LRRC37B: variants seen among roughly 807,000 people sequenced by gnomAD.
The protein encoded by LRRC37B is leucine-rich repeat-containing protein 37B.
In LRRC37B, 28 loss-of-function variants were observed where a neutral mutation model predicts 98.3. The observed-to-expected ratio is 0.28, with a 90% CI of 0.21 to 0.39. The LOEUF is 0.39. LRRC37B is among the 10% of genes least tolerant of loss of function. The pLI is 1.00. For synonymous variants in LRRC37B, 364 were observed against 442.7 expected, an observed-to-expected ratio of 0.82 and a Z score of 2.23; for missense variants, 938 against 1,182.7, an observed-to-expected ratio of 0.79 and a Z score of 3.03.
At chr17:32,011,750 G>A (rs1182078787) in intron 1 of LRRC37B, among the ~76,000 whole-genome samples, 1 of 152,182 alleles carries the variant, frequency 6.6e-6, no homozygotes, top group Non-Finnish European at 1.5e-5. Flanking sequence ...ACCTGCCTCG[G>A]CCTCCCAAAG....
At chr17:32,022,496 G>A (rs1292558980) in exon 1 of LRRC37B, 10 of 1,613,202 alleles carry the variant, frequency 6.2e-6, no homozygotes, top group East Asian at 2.2e-5. Context: ...CAGACCCGGG[G>A]CTTGCCATAA....
chr17:32,024,886 T>A, intron 2 of LRRC37B, 104 bp downstream of exon 5: 2 of 1,460,430 alleles, frequency 1.4e-6, no homozygotes, highest in Non-Finnish European at 1.9e-6. Context: ...ATATTTCCCC[T>A]CCATACCCCA....
At chr17:32,040,351 G>A in intron 7 of LRRC37B, 2 of 385,164 alleles carry the variant, frequency 5.2e-6, no homozygotes, top group South Asian at 2.3e-5. Context: ...CACGTGGTGG[G>A]GCCCCTGAGG....
chr17:32,031,347 T>C lies in LRRC37B; in HGVS notation c.1977-31T>C, dbSNP rs192376232. 3.1e-3 allele frequency: 4,908 copies of C among 1,599,530 alleles called. 81 individuals are homozygous for C. In the African/African-American group the frequency reaches 0.044, roughly 14 times the overall value. ...ATGATAAATGTTCTGAAATAATTTT[T>C]TTTTCCTTTGGCTTATGTCTTTTTT... On this transcript the variant is annotated intron_variant, in intron 4 of 11. Transcript: ENST00000327564.
intron 1 of LRRC37B, among the ~76,000 whole-genome samples, chr17:32,011,216 C>T (rs1282192638): frequency 1.3e-5 from 2 of 152,002 alleles, no homozygotes; most frequent in African/African-American, 2.4e-5. Flanking sequence ...AGTCAGTTCT[C>T]GAACCCCTGA....
At chr17:32,023,491 G>A (rs997447492) in intron 1 of LRRC37B, among the ~76,000 whole-genome samples, 4 of 152,130 alleles carry the variant, frequency 2.6e-5, no homozygotes, top group South Asian at 2.1e-4. Context: ...GTGGTTAAGA[G>A]TTGATTCTGG....
At chr17:32,035,041 CA>C in intron 6 of LRRC37B, 60 bp downstream of exon 9, 1 of 1,228,560 alleles carries the variant, frequency 8.1e-7, no homozygotes, top group Non-Finnish European at 1.1e-6. Flanking sequence ...AATTTGTCAT[CA>C]AAGATAAAGT....
intron 11 of LRRC37B, 171 bp from the exon 15 acceptor site, chr17:32,053,095 T>C: frequency 1.6e-6 from 1 of 625,934 alleles, no homozygotes; most frequent in Admixed American, 3.3e-5. Context: ...GTAGCAAGGA[T>C]GACTGAACTG....
At chr17:32,040,350 G>T in intron 7 of LRRC37B, 2 of 384,872 alleles carry the variant, frequency 5.2e-6, no homozygotes, top group South Asian at 4.7e-5. Flanking sequence ...GCACGTGGTG[G>T]GGCCCCTGAG....
At chr17:32,029,518 T>G (rs1911055661) in intron 3 of LRRC37B, among the ~76,000 whole-genome samples, 1 of 152,038 alleles carries the variant, frequency 6.6e-6, no homozygotes, top group Admixed American at 6.6e-5. Context: ...GAAAATGACT[T>G]CAGTTTGGAC....
chr17:32,009,546 G>T (rs1175365749), intron 1 of LRRC37B, among the ~76,000 whole-genome samples: 36 of 151,752 alleles, frequency 2.4e-4, no homozygotes, highest in African/African-American at 8.5e-4. Flanking sequence ...GTGCTGAGAT[G>T]ACAGGCATGA....
exon 1 of LRRC37B, chr17:32,008,082 A>G: frequency 2.2e-6 from 1 of 458,212 alleles, no homozygotes; most frequent in Non-Finnish European, 4.2e-6. Context: ...CTGGAAGATG[A>G]CGACGAGGAC....
intron 1 of LRRC37B, among the ~76,000 whole-genome samples, chr17:32,014,806 A>C (rs1231752221): frequency 1.3e-5 from 2 of 152,194 alleles, no homozygotes; most frequent in Non-Finnish European, 2.9e-5. Context: ...AAGATAATGC[A>C]CTTTAAAGTG....
At position 32,027,850 on chromosome 17, in the gene LRRC37B, T is replaced by C. The variant is rs375787658; in HGVS notation, c.1904+10T>C. ...TATACCTCCAGTATTTGTAAGTTAG[T>C]TAATCATATTTTTGAGTTTTTAGTC... is the stretch of plus-strand genomic sequence containing the variant. On this transcript the variant is annotated intron_variant, in intron 3 of 11. Transcript: ENST00000327564. The C allele has an allele frequency of 1.1e-4, 178 of 1,597,514 alleles. No homozygotes were observed. Among genetic ancestry groups the C allele is most frequent in the Non-Finnish European group, 1.5e-4 (172 of 1,173,396 alleles).
intron 7 of LRRC37B, chr17:32,041,650 G>T (rs924946679): frequency 2.2e-6 from 1 of 460,620 alleles, no homozygotes; most frequent in East Asian, 6.6e-5. Context: ...ACCCAGGCCC[G>T]GGCCCTTGAG....
At chr17:32,020,836 CCCCCA>C (rs892088653), upstream of LRRC37B, 225 of 839,006 alleles carry the variant, frequency 2.7e-4, no homozygotes, top group Middle Eastern at 1.1e-3. Flanking sequence ...CTCTGCCGTG[CCCCCA>C]CCCCACCCCA....
At position 32,038,291 on chromosome 17, in the gene LRRC37B, T is replaced by C. The variant is rs564243548; in HGVS notation, c.2204+2652T>C. Among the ~76,000 whole-genome samples, 37 of 151,980 alleles carry C rather than the reference T, an allele frequency of 2.4e-4. No homozygotes were observed. The South Asian group carries it at 7.7e-3, about 32-fold the overall frequency. On this transcript the variant is annotated intron_variant, in intron 7 of 11. Transcript: ENST00000327564. ...CTGGGCAATATGGTGAAACCTTGTC[T>C]CTACCAAAAACATAAAAATTAGGCA... is the stretch of plus-strand genomic sequence containing the variant.
At chr17:32,039,504 A>G (rs1392454900) in intron 7 of LRRC37B, among the ~76,000 whole-genome samples, 4 of 63,708 alleles carry the variant, frequency 6.3e-5, no homozygotes, top group South Asian at 5.0e-4. Flanking sequence ...ATATATATAT[A>G]TATATATATA....
intron 1 of LRRC37B, among the ~76,000 whole-genome samples, chr17:32,009,843 G>A (rs1167980246): frequency 6.6e-5 from 10 of 151,492 alleles, no homozygotes; most frequent in African/African-American, 1.7e-4. Context: ...ATGGGGTTTC[G>A]CTGTGTTGCC....
Sources: gnomAD v4.1 joint callset for allele counts (sites outside exome capture counted in the v4.1 genomes callset) on GRCh38, gnomAD v4.1.1 for gene constraint, MANE v1.5 for transcripts, NCBI Gene and HGNC (gene_info 2026-07-23, HGNC 2026-07-21) for gene names.